The following FHIT variants were observed in gnomAD, a reference collection of about 807,000 sequenced individuals.
The protein encoded by FHIT is fragile histidine triad diadenosine triphosphatase.
In FHIT, 19 loss-of-function variants were observed where a neutral mutation model predicts 17.9. The ratio of observed to expected loss-of-function variants is 1.06; its 90% confidence interval spans 0.74 to 1.56. The LOEUF is 1.56. Among genes scored for constraint, FHIT ranks in the 40% most tolerant of loss-of-function variants. The pLI is 0.00. For synonymous variants in FHIT, 81 were observed against 69.7 expected, an observed-to-expected ratio of 1.16 and a Z score of -0.81; for missense variants, 248 against 189.2, an observed-to-expected ratio of 1.31 and a Z score of -1.82.
At chr3:61,162,998 T>A (rs771920470) in intron 2 of FHIT, among the ~76,000 whole-genome samples, 6 of 152,162 alleles carry the variant, frequency 3.9e-5, no homozygotes, top group African/African-American at 7.2e-5. Context: ...GATTTCACCT[T>A]TATTTGAGAA....
intron 4 of FHIT, among the ~76,000 whole-genome samples, chr3:60,691,718 T>C (rs1323830858): frequency 7.9e-5 from 12 of 152,350 alleles, no homozygotes; most frequent in Middle Eastern, 3.4e-3. Context: ...CAGACTTCAA[T>C]TGTGTTATGA....
At position 60,274,787 on chromosome 3, in the gene FHIT, G is replaced by A. The variant is rs1707041824; in HGVS notation, c.104-260635C>T. Among the ~76,000 whole-genome samples, 4 of 152,174 alleles carry A rather than the reference G, an allele frequency of 2.6e-5. No individual in the cohort carries two copies. The South Asian group carries it at 8.3e-4, about 32-fold the overall frequency. ...GATTCATGGCCTTAGTAGCCAGACA[G>A]TAGGTATGGCCCAGACCTTCCCAGC... On this transcript the variant is annotated intron_variant, in intron 5 of 9. Transcript: ENST00000492590.
intron 3 of FHIT, among the ~76,000 whole-genome samples, chr3:60,918,891 T>C (rs910250163): frequency 5.9e-5 from 9 of 152,248 alleles, no homozygotes; most frequent in Non-Finnish European, 4.4e-5. Flanking sequence ...CTTTTTATTT[T>C]TTGTACTTCT....
At chr3:60,247,005 T>C (rs1705429167) in intron 5 of FHIT, among the ~76,000 whole-genome samples, 1 of 152,132 alleles carries the variant, frequency 6.6e-6, no homozygotes, top group South Asian at 2.1e-4. Context: ...CAAGTAACTA[T>C]TTGTCCAAAC....
At chr3:59,793,814 C>A (rs886243922) in intron 8 of FHIT, among the ~76,000 whole-genome samples, 8 of 152,034 alleles carry the variant, frequency 5.3e-5, no homozygotes, top group African/African-American at 1.9e-4. Flanking sequence ...GGGAGTTTGG[C>A]TTTGGAGGGA....
chr3:60,852,851 T>C (rs562987941), intron 3 of FHIT, among the ~76,000 whole-genome samples: 1 of 151,838 alleles, frequency 6.6e-6, no homozygotes, highest in Non-Finnish European at 1.5e-5. Context: ...AAAATCAAGA[T>C]TTTTTCAAAA....
At chr3:60,340,748 C>T (rs973146191) in intron 5 of FHIT, among the ~76,000 whole-genome samples, 5 of 152,084 alleles carry the variant, frequency 3.3e-5, no homozygotes, top group African/African-American at 1.2e-4. Flanking sequence ...CACTCTGTTG[C>T]CCAGGCTGCA....
chr3:60,781,399 T>C (rs1700384354), intron 4 of FHIT, among the ~76,000 whole-genome samples: 1 of 152,054 alleles, frequency 6.6e-6, no homozygotes, highest in Non-Finnish European at 1.5e-5. Context: ...GAAGAAACTA[T>C]AGACCCAAAG....
chr3:60,777,235 A>G (rs1553724701), intron 4 of FHIT, among the ~76,000 whole-genome samples: 1 of 152,220 alleles, frequency 6.6e-6, no homozygotes, highest in Non-Finnish European at 1.5e-5. Context: ...TCCTGAGAAC[A>G]TGTGCCCAAG....
At chr3:60,398,870 A>G in intron 5 of FHIT, among the ~76,000 whole-genome samples, 1 of 54,970 alleles carries the variant, frequency 1.8e-5, no homozygotes, top group South Asian at 1.2e-3. Context: ...GTGTTACAAG[A>G]AAATGTTTTA....
At position 60,359,129 on chromosome 3, in the gene FHIT, C is replaced by A. The variant is rs577949997; in HGVS notation, c.103+177731G>T. Among the ~76,000 whole-genome samples, 3 of 152,204 alleles carry A rather than the reference C, an allele frequency of 2.0e-5. No homozygotes were observed. The South Asian group carries it at 6.2e-4, about 32-fold the overall frequency. The stretch of plus-strand genomic sequence containing the variant: ...TGCATTATACCACAGTACAAAGAAA[C>A]CTTCCCCAAGAGTCATGGTTGAGAA... On this transcript the variant is annotated intron_variant, in intron 5 of 9. Transcript: ENST00000492590.
intron 5 of FHIT, among the ~76,000 whole-genome samples, chr3:60,266,436 G>A (rs1003472349): frequency 2.6e-5 from 4 of 152,026 alleles, no homozygotes; most frequent in African/African-American, 4.8e-5. Flanking sequence ...TGCATCTGGG[G>A]TTTCTTTTGG....
chr3:60,195,391 G>A (rs902190913), intron 5 of FHIT, among the ~76,000 whole-genome samples: 2 of 151,434 alleles, frequency 1.3e-5, no homozygotes, highest in Non-Finnish European at 2.9e-5. Context: ...ATTCTATCTT[G>A]CGATCCCAAT....
chr3:60,226,418 G>A (rs1016661433), intron 5 of FHIT, among the ~76,000 whole-genome samples: 9 of 142,002 alleles, frequency 6.3e-5, no homozygotes, highest in Admixed American at 2.2e-4. Context: ...GTTGCGGTGA[G>A]CTGAGATCGC....
intron 5 of FHIT, among the ~76,000 whole-genome samples, chr3:60,030,827 ACT>A (rs1475803363): frequency 2.0e-5 from 3 of 152,200 alleles, no homozygotes; most frequent in African/African-American, 7.2e-5. Context: ...TGAATGAATT[ACT>A]GTTTCATTAA....
intron 5 of FHIT, among the ~76,000 whole-genome samples, chr3:60,211,260 A>G (rs447643): frequency 0.22 from 33,707 of 151,816 alleles, 3,993 homozygotes; most frequent in Middle Eastern, 0.29. Flanking sequence ...ATATACATAC[A>G]TGTATGTATA....
intron 7 of FHIT, among the ~76,000 whole-genome samples, chr3:59,966,627 C>A (rs747104248): frequency 6.6e-6 from 1 of 152,048 alleles, no homozygotes; most frequent in African/African-American, 2.4e-5. Flanking sequence ...GATAAGTATT[C>A]ATGTATCTAA....
rs1400847152 is a variant in FHIT at position 59,996,595 on chromosome 3, G to T, written c.279+14776C>A. On this transcript the variant is annotated intron_variant, in intron 7 of 9. Transcript: ENST00000492590. Reference sequence around the variant, plus strand: ...AATGACTTAGCTGCTTTTAATTAAAGTTATGCTTCTAATTCTCATCCCCAA... The same window carrying T: ...AATGACTTAGCTGCTTTTAATTAAATTTATGCTTCTAATTCTCATCCCCAA... 3.3e-5 allele frequency among the ~76,000 whole-genome samples: 5 copies of T among 152,178 alleles called. No individual in the cohort carries two copies. The South Asian group carries it at 6.2e-4, about 19-fold the overall frequency.
At chr3:60,813,398 T>C (rs1277913184) in intron 4 of FHIT, among the ~76,000 whole-genome samples, 4 of 152,030 alleles carry the variant, frequency 2.6e-5, no homozygotes, top group African/African-American at 9.7e-5. Flanking sequence ...TAACCATTAG[T>C]ATGGTAAAGG....
Sources: gnomAD v4.1 joint callset for allele counts (sites outside exome capture counted in the v4.1 genomes callset) on GRCh38, gnomAD v4.1.1 for gene constraint, MANE v1.5 for transcripts, NCBI Gene and HGNC (gene_info 2026-07-23, HGNC 2026-07-21) for gene names.